AIFM1: variants seen among roughly 807,000 people sequenced by gnomAD.
AIFM1 encodes apoptosis inducing factor mitochondria associated 1, also known as apoptosis-inducing factor 1, mitochondrial.
In AIFM1, 3 loss-of-function variants were observed where a neutral mutation model predicts 51.7. That is an observed-to-expected ratio of 0.06 (90% CI 0.03 to 0.15). The LOEUF (loss-of-function observed/expected upper bound fraction) is 0.15, where lower values mean the gene tolerates loss of function less well. AIFM1 is among the 10% of genes least tolerant of loss of function. AIFM1 has a pLI of 1.00. For synonymous variants in AIFM1, 178 were observed against 179.4 expected, an observed-to-expected ratio of 0.99 and a Z score of 0.06; for missense variants, 330 against 476.8, an observed-to-expected ratio of 0.69 and a Z score of 2.87.
chrX:130,150,629 C>T (rs1259069870), intron 2 of AIFM1, among the ~76,000 whole-genome samples: 4 of 106,000 alleles, frequency 3.8e-5, no homozygotes, highest in African/African-American at 1.4e-4. Context: ...GCCACCGCGC[C>T]CGGCCTATTG....
chrX:130,140,576 A>T lies in AIFM1; in HGVS notation c.738T>A (p.Asn246Lys). ...LDVRDNMVKL[N>K]DGSQITYEKC... is the part of the protein sequence containing the mutation. ...TTTCATAGGTTATTTGAGAGCCATC[A>T]TTAAGTTTCACCATGTTGTCTCTCA... The change falls in exon 7 of 16, where the codon AAT becomes AAA. Residue 246 changes from asparagine to lysine, a missense_variant. By Grantham distance (94) the Asn-to-Lys change is moderately conservative. Transcript: ENST00000287295. 3.3e-6 allele frequency: 4 copies of T among 1,211,218 alleles called. No homozygotes were observed. Among genetic ancestry groups the T allele is most frequent in the Non-Finnish European group, 4.5e-6 (4 of 895,176 alleles).
chrX:130,133,511 A>G (rs1274437531), intron 12 of AIFM1, 56 bp from the exon 13 acceptor site: 6 of 1,176,038 alleles, frequency 5.1e-6, no homozygotes, highest in Non-Finnish European at 4.6e-6. Flanking sequence ...AAGCAAGTTA[A>G]AGACAAAATA....
intron 2 of AIFM1, chrX:130,155,142 T>C (rs2031121756): frequency 8.3e-7 from 1 of 1,211,095 alleles, no homozygotes; most frequent in African/African-American, 1.7e-5. Context: ...TATGTTTTAG[T>C]GTAAGCATCT....
Position 130,136,998 on chromosome X carries a change from G to C in AIFM1, c.1075+80C>G, listed in dbSNP as rs750167848. On this transcript the variant is annotated intron_variant, in intron 10 of 15. Transcript: ENST00000287295. ...CCAGGTGATAGGGCTTATGTCAAGG[G>C]GGTTCCTATAGAAGCGAAGTTTGCC... 760 of 1,206,208 alleles carry C rather than the reference G, an allele frequency of 6.3e-4. 2 individuals are homozygous for C. The highest frequency in any genetic ancestry group is 7.4e-4 in the Non-Finnish European group (664 of 893,790).
chrX:130,144,018 T>A (rs1317440538), intron 6 of AIFM1, among the ~76,000 whole-genome samples: 1 of 112,127 alleles, frequency 8.9e-6, no homozygotes, highest in Non-Finnish European at 1.9e-5. Context: ...TATTTATTTT[T>A]AAAAATTTCA....
chrX:130,137,438 C>A (rs992530966), intron 9 of AIFM1: 1 of 1,165,703 alleles, frequency 8.6e-7, no homozygotes, highest in Non-Finnish European at 1.1e-6. Flanking sequence ...TGCACTTCCA[C>A]CCATGCAGTC....
chrX:130,165,244 G>T (rs942766540), intron 1 of AIFM1, among the ~76,000 whole-genome samples: 1 of 83,347 alleles, frequency 1.2e-5, no homozygotes, highest in Non-Finnish European at 2.2e-5. Context: ...CTCTAAAAAG[G>T]GGGGTGGGGG....
At chrX:130,151,481 G>C (rs1234037570) in intron 2 of AIFM1, among the ~76,000 whole-genome samples, 1 of 111,385 alleles carries the variant, frequency 9.0e-6, no homozygotes, top group African/African-American at 3.3e-5. Flanking sequence ...CTTCCTTCCA[G>C]AACAGCCCAT....
At chrX:130,131,342 C>T (rs779171909) in intron 14 of AIFM1, among the ~76,000 whole-genome samples, 19 of 112,284 alleles carry the variant, frequency 1.7e-4, no homozygotes, top group Non-Finnish European at 2.4e-4. Context: ...AAAATAAAAA[C>T]GCAATCTAAA....
At chrX:130,136,350 C>T (rs1325336981) in intron 11 of AIFM1, among the ~76,000 whole-genome samples, 165 bp from the exon 12 acceptor site, 1 of 112,344 alleles carries the variant, frequency 8.9e-6, no homozygotes, top group African/African-American at 3.2e-5. Context: ...GCCTCCACCA[C>T]CCCATCCCAT....
chrX:130,145,009 A>G (rs192802624), intron 6 of AIFM1, among the ~76,000 whole-genome samples: 1 of 112,142 alleles, frequency 8.9e-6, no homozygotes, highest in East Asian at 2.8e-4. Flanking sequence ...AGTACCTGCC[A>G]TTAACAACAA....
chrX:130,148,113 A>G (rs1357309306), intron 3 of AIFM1, among the ~76,000 whole-genome samples: 3 of 112,472 alleles, frequency 2.7e-5, no homozygotes, highest in Admixed American at 9.4e-5. Context: ...TCATTCATTC[A>G]TCAGGTCTGA....
chrX:130,155,082 A>G, intron 2 of AIFM1: 1 of 1,128,853 alleles, frequency 8.9e-7, no homozygotes, highest in Non-Finnish European at 1.2e-6. Context: ...CTATATTCTA[A>G]TGTATCAAGT....
Position 130,148,060 on chromosome X carries a change from T to C in AIFM1, c.350-184A>G, listed in dbSNP as rs1188040807. The C allele has an allele frequency of 4.1e-5, 22 of 532,748 alleles. No homozygotes were observed. In the Admixed American group the frequency reaches 6.2e-4, roughly 15 times the overall value. 43.9% of individuals were successfully genotyped at this position (532,748 alleles called of 1,213,427 possible). ...ATGGGAGAGGAAAAGCAAGTATCCC[T>C]TTCATTTCATAAGTGAAAAATAGGA... On this transcript the variant is annotated intron_variant, in intron 3 of 15. Transcript: ENST00000287295.
chrX:130,136,261 A>G, intron 11 of AIFM1, 76 bp from the exon 12 acceptor site: 6 of 1,105,683 alleles, frequency 5.4e-6, no homozygotes, highest in Non-Finnish European at 6.2e-6. Context: ...ATGGCCCTTC[A>G]TGCCATTAAG....
intron 2 of AIFM1, 83 bp downstream of exon 2, chrX:130,156,377 CA>C: frequency 8.5e-7 from 1 of 1,170,587 alleles, no homozygotes; most frequent in Non-Finnish European, 1.2e-6. Flanking sequence ...GAATTAGTTG[CA>C]AAAGTTTTAA....
chrX:130,156,678 A>G, intron 1 of AIFM1, 75 bp from the exon 2 acceptor site: 5 of 1,082,246 alleles, frequency 4.6e-6, no homozygotes, highest in Non-Finnish European at 6.4e-6. Context: ...TTAAATGTCA[A>G]TGCACTGTAC....
At chrX:130,141,816 T>C (rs1238299655) in intron 6 of AIFM1, among the ~76,000 whole-genome samples, 2 of 112,045 alleles carry the variant, frequency 1.8e-5, no homozygotes, top group East Asian at 5.6e-4. Context: ...ATTCTACTTG[T>C]TGGTCACAAT....
chrX:130,163,741 A>G (rs1427695163), intron 1 of AIFM1, among the ~76,000 whole-genome samples: 1 of 112,371 alleles, frequency 8.9e-6, no homozygotes, highest in Non-Finnish European at 1.9e-5. Context: ...AAATCAACTT[A>G]ACTTTGCAAA....
Sources: allele counts gnomAD v4.1 joint callset (sites outside exome capture counted in the v4.1 genomes callset), GRCh38; gene constraint gnomAD v4.1.1; transcripts MANE v1.5; gene names NCBI Gene and HGNC (gene_info 2026-07-23, HGNC 2026-07-21).